Variants in TMEM132D observed in about 807,000 individuals in gnomAD.
The protein encoded by TMEM132D is transmembrane protein 132D, also known as mature OL transmembrane protein.
TMEM132D carries 21 observed loss-of-function variants against 62.3 expected under a neutral mutation model. The observed-to-expected ratio is 0.34, with a 90% confidence interval of 0.24 to 0.49. The LOEUF is 0.49. TMEM132D is among the 20% of genes least tolerant of loss of function. The pLI, the probability that TMEM132D is intolerant of heterozygous loss-of-function variation, is 0.99. For missense variants in TMEM132D, 1,346 were observed against 1,402.8 expected, an observed-to-expected ratio of 0.96 and a Z score of 0.65; for synonymous variants, 621 against 575.6, an observed-to-expected ratio of 1.08 and a Z score of -1.13.
chr12:129,438,953 A>G (rs1872865736), intron 3 of TMEM132D, among the ~76,000 whole-genome samples: 1 of 151,928 alleles, frequency 6.6e-6, no homozygotes, highest in South Asian at 2.1e-4. Flanking sequence ...AAGGTTTCTT[A>G]TTGCAATTCT....
chr12:129,743,973 C>T (rs967446808), intron 1 of TMEM132D, among the ~76,000 whole-genome samples: 3 of 152,194 alleles, frequency 2.0e-5, no homozygotes, highest in African/African-American at 4.8e-5. Context: ...TGTTTCAAGT[C>T]ACTCAATTTG....
chr12:129,897,689 G>A (rs1875191149), intron 1 of TMEM132D, among the ~76,000 whole-genome samples: 1 of 152,150 alleles, frequency 6.6e-6, no homozygotes, highest in South Asian at 2.1e-4. Context: ...TCCCTTTCAG[G>A]TGTTATTTCT....
chr12:129,211,259 C>T (rs981372690), intron 4 of TMEM132D, among the ~76,000 whole-genome samples: 3 of 152,130 alleles, frequency 2.0e-5, no homozygotes, highest in Admixed American at 1.3e-4. Flanking sequence ...TAACTATGAA[C>T]GTATCTGTCT....
At position 129,798,704 on chromosome 12, in the gene TMEM132D, GGGT is replaced by G. The variant is rs1448319296; in HGVS notation, c.80-98009_80-98007del. Among the ~76,000 whole-genome samples the G allele has an allele frequency of 3.2e-5, 4 of 124,344 alleles. No homozygotes were observed. In the South Asian group the frequency reaches 1.1e-3, roughly 33 times the overall value. 81.6% of individuals were successfully genotyped at this position (124,344 alleles called of 152,430 possible). ...GGAATGAATGTGCAGAAGAGAGAAG[GGGT>G]GGAGGGAGATAAGACTGAGAAGGAA... On this transcript the variant is annotated intron_variant, in intron 1 of 8. Coordinates refer to ENST00000422113, the MANE Select transcript of TMEM132D (RefSeq NM_133448.3).
chr12:129,249,431 G>A (rs115366658), intron 4 of TMEM132D, among the ~76,000 whole-genome samples: 2,597 of 152,246 alleles, frequency 0.017, 69 homozygotes, highest in African/African-American at 0.056. Flanking sequence ...CATCGGTCTT[G>A]CCCTCCTAAA....
At chr12:129,596,929 TTAAGGC>T (rs1419484881) in intron 2 of TMEM132D, among the ~76,000 whole-genome samples, 2 of 152,190 alleles carry the variant, frequency 1.3e-5, no homozygotes, top group African/African-American at 4.8e-5. Context: ...AATCCTACCT[TTAAGGC>T]ATTTGATGAT....
At chr12:129,846,068 T>C (rs115581773) in intron 1 of TMEM132D, among the ~76,000 whole-genome samples, 1,873 of 152,298 alleles carry the variant, frequency 0.012, 39 homozygotes, top group African/African-American at 0.042. Flanking sequence ...TGGGCATTTC[T>C]TATGGGGAGG....
chr12:129,341,950 T>C (rs1221585170), intron 3 of TMEM132D, among the ~76,000 whole-genome samples: 1 of 152,144 alleles, frequency 6.6e-6, no homozygotes, highest in Admixed American at 6.5e-5. Context: ...GGAAGAACAT[T>C]CCATGCTCAT....
chr12:129,747,632 ACAGT>A (rs990767729), intron 1 of TMEM132D, among the ~76,000 whole-genome samples: 12 of 150,110 alleles, frequency 8.0e-5, no homozygotes, highest in South Asian at 2.1e-4. Flanking sequence ...ACAGACACAC[ACAGT>A]CAGATACATA....
intron 3 of TMEM132D, among the ~76,000 whole-genome samples, chr12:129,455,431 T>C (rs1445228051): frequency 6.6e-6 from 1 of 152,240 alleles, no homozygotes; most frequent in Non-Finnish European, 1.5e-5. Flanking sequence ...TGTAGGATGA[T>C]AGAGTTACTC....
intron 1 of TMEM132D, among the ~76,000 whole-genome samples, chr12:129,870,296 GC>G (rs1329115402): frequency 6.6e-6 from 1 of 152,140 alleles, no homozygotes; most frequent in Non-Finnish European, 1.5e-5. Context: ...CTGGGTTTAT[GC>G]TAAGGAGGTG....
At chr12:129,761,508 C>T (rs1298932421) in intron 1 of TMEM132D, among the ~76,000 whole-genome samples, 2 of 152,202 alleles carry the variant, frequency 1.3e-5, no homozygotes, top group Non-Finnish European at 2.9e-5. Flanking sequence ...TCTCAAGACA[C>T]AAGCACGTGA....
intron 3 of TMEM132D, among the ~76,000 whole-genome samples, chr12:129,361,827 G>T (rs184901751): frequency 1.3e-5 from 2 of 152,184 alleles, no homozygotes; most frequent in Non-Finnish European, 2.9e-5. Context: ...AATTAAATAT[G>T]TTAGGGTTCA....
At chr12:129,296,871 A>C (rs78444981) in intron 4 of TMEM132D, among the ~76,000 whole-genome samples, 1 of 152,222 alleles carries the variant, frequency 6.6e-6, no homozygotes, top group Non-Finnish European at 1.5e-5. Flanking sequence ...ATTTGGTATC[A>C]AGCACCAGAC....
At chr12:129,568,997 G>C (rs182950066) in intron 2 of TMEM132D, among the ~76,000 whole-genome samples, 3 of 152,282 alleles carry the variant, frequency 2.0e-5, no homozygotes, top group Admixed American at 2.0e-4. Context: ...GAGTTAGCAG[G>C]TTTGGGGTGA....
intron 3 of TMEM132D, among the ~76,000 whole-genome samples, chr12:129,525,121 T>A (rs903605918): frequency 1.3e-5 from 2 of 149,450 alleles, no homozygotes; most frequent in African/African-American, 4.9e-5. Context: ...GAGATGGGGC[T>A]TCACCATGTT....
chr12:129,688,472 T>G (rs1880983581), intron 2 of TMEM132D, among the ~76,000 whole-genome samples: 1 of 152,134 alleles, frequency 6.6e-6, no homozygotes, highest in Non-Finnish European at 1.5e-5. Context: ...TCAGTGCATC[T>G]CAGTTCCTGA....
intron 2 of TMEM132D, among the ~76,000 whole-genome samples, chr12:129,628,733 G>A (rs1879282367): frequency 6.6e-6 from 1 of 152,112 alleles, no homozygotes; most frequent in African/African-American, 2.4e-5. Flanking sequence ...TACTCAGTGT[G>A]ATGGCCATGT....
At chr12:129,335,687 G>A (rs1032008933) in intron 4 of TMEM132D, among the ~76,000 whole-genome samples, 2 of 152,034 alleles carry the variant, frequency 1.3e-5, no homozygotes, top group Non-Finnish European at 2.9e-5. Context: ...GGAAATAAAG[G>A]AGAATTGTCG....
Sources: gnomAD v4.1 joint callset for allele counts (sites outside exome capture counted in the v4.1 genomes callset) on GRCh38, gnomAD v4.1.1 for gene constraint, MANE v1.5 for transcripts, NCBI Gene and HGNC (gene_info 2026-07-23, HGNC 2026-07-21) for gene names.